Variants in GTF2A1 observed in about 807,000 individuals in gnomAD.
GTF2A1 encodes the protein general transcription factor IIA subunit 1.
In GTF2A1, 12 loss-of-function variants were observed where a neutral mutation model predicts 54.1. The observed-to-expected ratio is 0.22, with a 90% confidence interval of 0.14 to 0.36. GTF2A1 has a LOEUF of 0.36. GTF2A1 is among the 10% of genes least tolerant of loss of function. The pLI is 1.00. For synonymous variants in GTF2A1, 145 were observed against 152.0 expected (o/e 0.95, Z 0.34); for missense variants, 335 against 442.2 (o/e 0.76, Z 2.17).
chr14:81,184,452 T>C (rs1419477062), intron 8 of GTF2A1, among the ~76,000 whole-genome samples: 1 of 152,224 alleles, frequency 6.6e-6, no homozygotes, highest in Non-Finnish European at 1.5e-5. Context: ...GAAGTCATTA[T>C]GCACAAAAAT....
At chr14:81,198,383 G>A (rs540593700) in intron 4 of GTF2A1, among the ~76,000 whole-genome samples, 5 of 152,206 alleles carry the variant, frequency 3.3e-5, no homozygotes, top group Non-Finnish European at 7.4e-5. Flanking sequence ...GGTGGAGGTT[G>A]CAGTGAGCCG....
chr14:81,220,355 AGCGGCG>A (rs1472265778), intron 1 of GTF2A1, 128 bp downstream of exon 1: 1 of 341,048 alleles, frequency 2.9e-6, no homozygotes, highest in Non-Finnish European at 4.9e-6. Context: ...CGAGGCGGGA[AGCGGCG>A]GCGGCGGCGG....
At position 81,203,834 on chromosome 14, in the gene GTF2A1, T is replaced by G. The variant is rs542207141; in HGVS notation, c.337+66A>C. The G allele has an allele frequency of 6.6e-5, 90 of 1,357,024 alleles. 2 individuals carry two copies. In the South Asian group the frequency reaches 1.0e-3, roughly 15 times the overall value. The allele number at this position is 1,357,024 out of a possible 1,614,324, so 84.1% of individuals were successfully genotyped here. On this transcript the variant is annotated intron_variant, in intron 3 of 8. Transcript: ENST00000553612. ...ACAAGATCCAAAAAATGCAGAATAT[T>G]TCTCTTCTTTCATAATGACAAACTT...
intron 4 of GTF2A1, among the ~76,000 whole-genome samples, chr14:81,201,172 T>C (rs1893102131): frequency 6.6e-6 from 1 of 152,204 alleles, no homozygotes; most frequent in African/African-American, 2.4e-5. Context: ...CAGAGTAATA[T>C]TTTTAAATGC....
rs112765325 is a variant in GTF2A1 at position 81,187,354 on chromosome 14, C to CAA, written c.934-1736_934-1735dup. On this transcript the variant is annotated intron_variant, in intron 7 of 8. Coordinates refer to ENST00000553612, the MANE Select transcript of GTF2A1 (RefSeq NM_015859.4). The stretch of plus-strand genomic sequence containing the variant: ...TGGGCAGCAGAGTGAAACTCCGTCT[C>CAA]AAAAAAAAAAAAAAAAATCTCTGAG... Among the ~76,000 whole-genome samples the CAA allele has an allele frequency of 3.3e-3, 345 of 103,704 alleles. 3 individuals are homozygous for CAA. Among genetic ancestry groups the CAA allele is most frequent in the African/African-American group, 9.6e-3 (310 of 32,170 alleles). The allele number at this position is 103,704 out of a possible 152,430, so 68.0% of individuals were successfully genotyped here.
At chr14:81,205,433 T>C (rs561911782) in intron 2 of GTF2A1, among the ~76,000 whole-genome samples, 4 of 152,370 alleles carry the variant, frequency 2.6e-5, no homozygotes, top group Admixed American at 1.3e-4. Context: ...GTATTTAGAC[T>C]TACCTGAAGT....
At position 81,197,261 on chromosome 14, in the gene GTF2A1, G is replaced by A. The variant is rs183043249; in HGVS notation, c.478+148C>T. The A allele has an allele frequency of 5.4e-3, 3,115 of 577,148 alleles. 18 individuals are homozygous for A. The highest frequency in any genetic ancestry group is 6.8e-3 in the Non-Finnish European group (2,138 of 316,448). The allele number at this position is 577,148 out of a possible 1,614,324, so 35.8% of individuals were successfully genotyped here. On this transcript the variant is annotated intron_variant, in intron 5 of 8. Coordinates refer to ENST00000553612, the MANE Select transcript of GTF2A1 (RefSeq NM_015859.4). ...AACGATTACAGTTATATGTGTTACAGCCCTCAAATAAAGTTATTTTAATAA... is the reference window on the plus strand; with the variant it reads ...AACGATTACAGTTATATGTGTTACAACCCTCAAATAAAGTTATTTTAATAA...
rs189867187 is a variant in GTF2A1, at chr14:81,181,138, A to G, written c.1024-808T>C. Among the ~76,000 whole-genome samples, 48 of 152,212 alleles carry G rather than the reference A, an allele frequency of 3.2e-4. No individual in the cohort carries two copies. The Middle Eastern group carries it at 0.01, about 32-fold the overall frequency. Reference sequence around the variant, plus strand: ...AAGAGCTGAAGGGCAGGCTCTGGGCACTCCCATCTTTGCCTTCACTTATAG... The same window carrying G: ...AAGAGCTGAAGGGCAGGCTCTGGGCGCTCCCATCTTTGCCTTCACTTATAG... On this transcript the variant is annotated intron_variant, in intron 8 of 8. Transcript: ENST00000553612.
intron 2 of GTF2A1, among the ~76,000 whole-genome samples, chr14:81,216,141 G>T (rs921770535): frequency 6.6e-6 from 1 of 152,342 alleles, no homozygotes; most frequent in Non-Finnish European, 1.5e-5. Context: ...CAAGCATTGT[G>T]CTAAGATTTT....
rs1359357429 is a variant in GTF2A1, at chr14:81,192,655, T to C, written c.797A>G (p.Gln266Arg). 7.4e-6 allele frequency: 12 copies of C among 1,614,126 alleles called. No individual in the cohort carries two copies. Among genetic ancestry groups the C allele is most frequent in the Non-Finnish European group, 8.5e-6 (10 of 1,179,960 alleles). ...QQPQAQPAQT[Q>R]APLVLQVDGT... is the part of the protein sequence containing the mutation. Reference sequence around the variant, plus strand: ...ATCAACTTGTAAGACCAATGGAGCTTGTGTTTGAGCAGGCTGGGCCTGCGG... The same window carrying C: ...ATCAACTTGTAAGACCAATGGAGCTCGTGTTTGAGCAGGCTGGGCCTGCGG... The change falls in exon 7 of 9, where the codon CAA becomes CGA. Residue 266 changes from glutamine (Q) to arginine (R), a missense_variant. Transcript: ENST00000553612.
At chr14:81,208,270 T>C (rs548537543) in intron 2 of GTF2A1, among the ~76,000 whole-genome samples, 16 of 152,128 alleles carry the variant, frequency 1.1e-4, no homozygotes, top group Middle Eastern at 3.2e-3. Flanking sequence ...GGGGCCAACA[T>C]AGAGCTCAGA....
intron 3 of GTF2A1, among the ~76,000 whole-genome samples, chr14:81,203,339 TCTTAA>T (rs574142237): frequency 7.5e-4 from 115 of 152,346 alleles, no homozygotes; most frequent in Non-Finnish European, 1.4e-3. Context: ...ATATATCCAC[TCTTAA>T]CTTAAAATAA....
At position 81,204,122 on chromosome 14, in the gene GTF2A1, A is replaced by T; in HGVS notation, c.133-18T>A. 1.3e-6 allele frequency: 2 copies of T among 1,518,344 alleles called. No individual in the cohort carries two copies. The highest frequency in any genetic ancestry group is 1.7e-5 in the Admixed American group (1 of 59,872). The allele number at this position is 1,518,344 out of a possible 1,614,324, so 94.1% of individuals were successfully genotyped here. ...TCCCATAACTAAGGCAAAGAACATT[A>T]AAGATTTCTAAGTGAAAAATAACTC... On this transcript the variant is annotated intron_variant, in intron 2 of 8. Transcript: ENST00000553612.
intron 7 of GTF2A1, among the ~76,000 whole-genome samples, chr14:81,187,460 A>G (rs1490222736): frequency 6.6e-6 from 1 of 152,184 alleles, no homozygotes; most frequent in Admixed American, 6.5e-5. Context: ...TACAGTGTAT[A>G]TAACACTCAC....
At chr14:81,195,621 G>A in intron 6 of GTF2A1, among the ~76,000 whole-genome samples, 1 of 110,002 alleles carries the variant, frequency 9.1e-6, no homozygotes, top group African/African-American at 3.7e-5. Flanking sequence ...GAAAGAGCAA[G>A]ACTCTGTCTC....
At position 81,178,084 on chromosome 14, in the gene GTF2A1, A is replaced by G. The variant is rs1467178693; in HGVS notation, c.*2139T>C. ...GTTAATATTTGAAAAATAAAGTTATAAAAACAGGCCAGTATACAACACTAC... is the reference window on the plus strand; with the variant it reads ...GTTAATATTTGAAAAATAAAGTTATGAAAACAGGCCAGTATACAACACTAC... On this transcript the variant is annotated 3_prime_UTR_variant, in exon 9 of 9. Coordinates refer to ENST00000553612, the MANE Select transcript of GTF2A1 (RefSeq NM_015859.4). 11 of 152,158 alleles carry G rather than the reference A, an allele frequency of 7.2e-5. No homozygotes were observed. The highest frequency in any genetic ancestry group is 1.6e-4 in the Non-Finnish European group (11 of 67,998). 9.4% of individuals were successfully genotyped at this position (152,158 alleles called of 1,614,324 possible).
In GTF2A1 at chr14:81,178,306, A is replaced by G. The variant is rs1219064132; in HGVS notation, c.*1917T>C. ...AGTAAATACAAACCTACTAGCAACT[A>G]TATTGAAGAACAGTTGAACAACAGC... On this transcript the variant is annotated 3_prime_UTR_variant, in exon 9 of 9. Transcript: ENST00000553612. 1.3e-5 allele frequency: 2 copies of G among 152,152 alleles called. No individual in the cohort carries two copies. The highest frequency in any genetic ancestry group is 2.1e-4 in the South Asian group (1 of 4,826). The allele number at this position is 152,152 out of a possible 1,614,324, so 9.4% of individuals were successfully genotyped here. A position where few individuals can be genotyped will look rare whatever the true frequency, so the allele number is the denominator to read the frequency against.
At position 81,177,855 on chromosome 14, in the gene GTF2A1, T is replaced by C. The variant is rs1182543609; in HGVS notation, c.*2368A>G. 3 of 152,122 alleles carry C rather than the reference T, an allele frequency of 2.0e-5. No homozygotes were observed. Among genetic ancestry groups the C allele is most frequent in the African/African-American group, 4.8e-5 (2 of 41,442 alleles). The allele number at this position is 152,122 out of a possible 1,614,324, so 9.4% of individuals were successfully genotyped here. On this transcript the variant is annotated 3_prime_UTR_variant, in exon 9 of 9. Transcript: ENST00000553612. Reference sequence around the variant, plus strand: ...TATAATAAAACTAAAACATGCTATTTGATTAAAAAGGACACGATGCAAATA... The same window carrying C: ...TATAATAAAACTAAAACATGCTATTCGATTAAAAAGGACACGATGCAAATA...
At chr14:81,185,773 T>C (rs1892731280) in intron 7 of GTF2A1, among the ~76,000 whole-genome samples, 153 bp from the exon 8 acceptor site, 1 of 152,174 alleles carries the variant, frequency 6.6e-6, no homozygotes, top group South Asian at 2.1e-4. Context: ...CTGTTAACAG[T>C]TTGCCAATAT....
Sources: gnomAD v4.1 joint callset for allele counts (sites outside exome capture counted in the v4.1 genomes callset) on GRCh38, gnomAD v4.1.1 for gene constraint, MANE v1.5 for transcripts, NCBI Gene and HGNC (gene_info 2026-07-23, HGNC 2026-07-21) for gene names.